Variants in CADM2 observed in about 807,000 individuals in gnomAD.
The protein encoded by CADM2 is immunoglobulin superfamily member 4D.
In CADM2, 12 loss-of-function variants were observed where a neutral mutation model predicts 49.8. That is an observed-to-expected ratio of 0.24 (90% CI 0.15 to 0.39). The LOEUF (loss-of-function observed/expected upper bound fraction) is 0.39, where lower values mean the gene tolerates loss of function less well. Ranked by LOEUF, CADM2 falls within the 10% of genes least tolerant of loss-of-function variation. The pLI is 1.00. For missense variants in CADM2, 378 were observed against 492.3 expected (o/e 0.77, Z 2.20); for synonymous variants, 214 against 175.4 (o/e 1.22, Z -1.74).
intron 1 of CADM2, among the ~76,000 whole-genome samples, chr3:85,245,981 C>T (rs2042637153): frequency 6.6e-6 from 1 of 152,212 alleles, no homozygotes; most frequent in Non-Finnish European, 1.5e-5. Flanking sequence ...ATTCCAAAGT[C>T]TGCACTTCAC....
At chr3:85,957,954 A>C (rs1724255518) in intron 7 of CADM2, among the ~76,000 whole-genome samples, 1 of 152,010 alleles carries the variant, frequency 6.6e-6, no homozygotes, top group South Asian at 2.1e-4. Flanking sequence ...GATCTAATTA[A>C]AGTAAAGAGC....
At chr3:85,200,638 T>C (rs768396033) in intron 1 of CADM2, among the ~76,000 whole-genome samples, 3 of 152,038 alleles carry the variant, frequency 2.0e-5, no homozygotes, top group Non-Finnish European at 4.4e-5. Context: ...CTATGAAACC[T>C]GGGGAACTAA....
At chr3:85,845,564 G>T (rs560297467) in intron 3 of CADM2, among the ~76,000 whole-genome samples, 1 of 152,088 alleles carries the variant, frequency 6.6e-6, no homozygotes, top group Admixed American at 6.5e-5. Flanking sequence ...GGCCTCCTCC[G>T]TAGGGCAACC....
intron 8 of CADM2, among the ~76,000 whole-genome samples, chr3:86,060,880 G>A (rs561550871): frequency 1.3e-5 from 2 of 152,070 alleles, no homozygotes; most frequent in East Asian, 3.9e-4. Flanking sequence ...TGCTCAGGAG[G>A]CTGAGGCAGG....
At chr3:85,515,631 A>ATATATATATAT (rs1159969286) in intron 1 of CADM2, among the ~76,000 whole-genome samples, 38 of 118,402 alleles carry the variant, frequency 3.2e-4, no homozygotes, top group African/African-American at 1.1e-3. Flanking sequence ...ATATATATAT[A>ATATATATATAT]TTTTTTTTTT....
chr3:85,912,457 A>G lies in CADM2; in HGVS notation c.614A>G (p.Asp205Gly). 6.2e-7 allele frequency: 1 copy of G among 1,614,176 alleles called. No individual in the cohort carries two copies. The highest frequency in any genetic ancestry group is 8.5e-7 in the Non-Finnish European group (1 of 1,180,010). The stretch of plus-strand genomic sequence containing the variant: ...CTGGACTTCCGAGTGGACCGGAGTG[A>G]TGATGGAGTGGCGGTCATCTGCAGA... ...STLDFRVDRSDDGVAVICRVD... is the reference protein window; with the variant it reads ...STLDFRVDRSGDGVAVICRVD... The change falls in exon 6 of 10, where the codon GAT becomes GGT. Residue 205 changes from aspartate (D) to glycine (G), a missense_variant. By Grantham distance (94) the Asp-to-Gly change is moderately conservative (BLOSUM62 -1). Coordinates refer to ENST00000383699, the MANE Select transcript of CADM2 (RefSeq NM_001167675.2).
At chr3:85,498,146 C>T (rs1205363063) in intron 1 of CADM2, among the ~76,000 whole-genome samples, 2 of 150,280 alleles carry the variant, frequency 1.3e-5, no homozygotes, top group Non-Finnish European at 1.5e-5. Flanking sequence ...AAAACATTTC[C>T]TTTTCATGGT....
chr3:85,998,882 A>T (rs1037975953), intron 8 of CADM2, among the ~76,000 whole-genome samples: 2 of 152,180 alleles, frequency 1.3e-5, no homozygotes, highest in Admixed American at 6.5e-5. Context: ...AGTAAAATTG[A>T]CAGATTTTTT....
chr3:84,968,698 A>G (rs1013115995), intron 1 of CADM2, among the ~76,000 whole-genome samples: 6 of 152,030 alleles, frequency 3.9e-5, no homozygotes, highest in Non-Finnish European at 7.4e-5. Context: ...CCTACCCTGA[A>G]TAGGGATTGT....
At chr3:85,968,932 C>A (rs1363297118) in intron 8 of CADM2, among the ~76,000 whole-genome samples, 1 of 151,654 alleles carries the variant, frequency 6.6e-6, no homozygotes, top group African/African-American at 2.4e-5. Flanking sequence ...CATATTGTTA[C>A]AACATATATA....
At chr3:85,944,620 A>G (rs1170667379) in intron 7 of CADM2, among the ~76,000 whole-genome samples, 1 of 152,098 alleles carries the variant, frequency 6.6e-6, no homozygotes, top group Non-Finnish European at 1.5e-5. Context: ...TAAGAAACTC[A>G]CTCAAAACTG....
At chr3:85,676,234 A>G (rs912855823) in intron 1 of CADM2, among the ~76,000 whole-genome samples, 8 of 152,146 alleles carry the variant, frequency 5.3e-5, no homozygotes. Flanking sequence ...TCTTAAAATC[A>G]ATTAGTTTTA....
At chr3:85,261,252 C>A (rs1038617718) in intron 1 of CADM2, among the ~76,000 whole-genome samples, 2 of 152,106 alleles carry the variant, frequency 1.3e-5, no homozygotes, top group Non-Finnish European at 2.9e-5. Flanking sequence ...TCTCCTGCCT[C>A]AGCCTCCTGA....
Position 84,960,041 on chromosome 3 carries a change from C to G in CADM2, c.61+373C>G, listed in dbSNP as rs141759719. 7.3e-4 allele frequency: 252 copies of G among 343,800 alleles called. 1 individual carries two copies. The highest frequency in any genetic ancestry group is 4.9e-3 in the African/African-American group (232 of 47,194). The allele number at this position is 343,800 out of a possible 1,614,324, so 21.3% of individuals were successfully genotyped here. A position where few individuals can be genotyped will look rare whatever the true frequency, so the allele number is the denominator to read the frequency against. On this transcript the variant is annotated intron_variant, in intron 1 of 9. Coordinates refer to ENST00000383699, the MANE Select transcript of CADM2 (RefSeq NM_001167675.2). ...CCCCCACCAGCCACCTCCCACATCACGCTCTTGAGCGACCCTCTCCATCTC... is the reference window on the plus strand; with the variant it reads ...CCCCCACCAGCCACCTCCCACATCAGGCTCTTGAGCGACCCTCTCCATCTC...
At chr3:85,285,029 A>C (rs2043597542) in intron 1 of CADM2, among the ~76,000 whole-genome samples, 1 of 152,094 alleles carries the variant, frequency 6.6e-6, no homozygotes, top group South Asian at 2.1e-4. Flanking sequence ...TAGCAGTAAA[A>C]TTCTGGATGT....
chr3:85,688,776 C>A (rs1268317480), intron 1 of CADM2, among the ~76,000 whole-genome samples: 1 of 152,042 alleles, frequency 6.6e-6, no homozygotes, highest in Non-Finnish European at 1.5e-5. Flanking sequence ...CCATGGTGGC[C>A]AGCCTGGTTT....
intron 1 of CADM2, among the ~76,000 whole-genome samples, chr3:85,682,418 C>T (rs1235707578): frequency 1.3e-5 from 2 of 152,018 alleles, no homozygotes; most frequent in Non-Finnish European, 2.9e-5. Flanking sequence ...TAATTATTTA[C>T]TGTAACTTTT....
intron 1 of CADM2, among the ~76,000 whole-genome samples, chr3:85,057,818 T>C (rs901895377): frequency 6.6e-6 from 1 of 152,210 alleles, no homozygotes; most frequent in Non-Finnish European, 1.5e-5. Flanking sequence ...ATCTTGTTTC[T>C]AGAAATGTGA....
chr3:85,559,957 T>C (rs2062051797), intron 1 of CADM2, among the ~76,000 whole-genome samples: 1 of 152,110 alleles, frequency 6.6e-6, no homozygotes, highest in South Asian at 2.1e-4. Flanking sequence ...CTAAAGAAAA[T>C]AACATAAATA....
Sources: allele counts gnomAD v4.1 joint callset (sites outside exome capture counted in the v4.1 genomes callset), GRCh38; gene constraint gnomAD v4.1.1; transcripts MANE v1.5; gene names NCBI Gene and HGNC (gene_info 2026-07-23, HGNC 2026-07-21).